ZNF728: variants seen among roughly 807,000 people sequenced by gnomAD.
ZNF728 encodes the protein zinc finger protein 728.
A neutral mutation model predicts 12.5 loss-of-function variants in ZNF728; 12 were observed. The ratio of observed to expected loss-of-function variants is 0.96; its 90% CI spans 0.61 to 1.55. The LOEUF (loss-of-function observed/expected upper bound fraction) is 1.55, where lower values mean the gene tolerates loss of function less well. Among genes scored for constraint, ZNF728 ranks in the 40% most tolerant of loss-of-function variants. ZNF728 has a pLI of 0.00. For synonymous variants in ZNF728, 205 were observed against 240.7 expected (o/e 0.85, Z 1.37); for missense variants, 692 against 719.2 (o/e 0.96, Z 0.43).
At position 22,978,277 on chromosome 19, in the gene ZNF728, G is replaced by A. The variant is rs144147019; in HGVS notation, c.227-1167C>T. Among the ~76,000 whole-genome samples the A allele has an allele frequency of 1.5e-3, 206 of 139,968 alleles. 1 individual carries two copies. The highest frequency in any genetic ancestry group is 5.6e-3 in the African/African-American group (203 of 36,174). 91.8% of individuals were successfully genotyped at this position (139,968 alleles called of 152,430 possible). A position where few individuals can be genotyped will look rare whatever the true frequency, so the allele number is the denominator to read the frequency against. ...AACAAAAGATTTACAGGCCAGAAGA[G>A]AACTGTGTGAGATAGTCAAAGTCCT... On this transcript the variant is annotated intron_variant, in intron 3 of 3. Coordinates refer to ENST00000594710, the MANE Select transcript of ZNF728 (RefSeq NM_001267716.2).
Position 22,975,542 on chromosome 19 carries a change from T to C in ZNF728, c.1795A>G (p.Lys599Glu). The C allele has an allele frequency of 5.1e-6, 8 of 1,580,500 alleles. No individual in the cohort carries two copies. The highest frequency in any genetic ancestry group is 5.2e-6 in the Non-Finnish European group (6 of 1,164,446). Residue 599 changes from lysine (K) to glutamate (E), a missense_variant, in exon 4 of 4, where the codon AAA becomes GAA. Around this residue, in one of 3 missense-constraint regions of ZNF728, gnomAD observed 244 missense variants for 235.2 expected, o/e 1.04. Transcript: ENST00000594710. Reference sequence around the variant, plus strand: ...AGGTGTGAGGATTGGTTGAAGTCTTTACCACATTCTTCACATTTGTAGAAT... The same window carrying C: ...AGGTGTGAGGATTGGTTGAAGTCTTCACCACATTCTTCACATTTGTAGAAT... The part of the protein sequence containing the change: ...KKFYKCEECG[K>E]DFNQSSHLTT...
intron 3 of ZNF728, among the ~76,000 whole-genome samples, chr19:22,979,831 G>T (rs1968843027): frequency 2.0e-5 from 3 of 152,070 alleles, no homozygotes; most frequent in Admixed American, 2.0e-4. Flanking sequence ...TCACCAGCAG[G>T]CCTGCCTTAC....
At chr19:22,983,203 T>C (rs1310781570) in intron 3 of ZNF728, among the ~76,000 whole-genome samples, 1 of 150,162 alleles carries the variant, frequency 6.7e-6, no homozygotes, top group African/African-American at 2.4e-5. Context: ...GCAAAGGATA[T>C]GAACAGATAC....
At chr19:23,000,294 C>T (rs373186180) in intron 1 of ZNF728, among the ~76,000 whole-genome samples, 1 of 151,628 alleles carries the variant, frequency 6.6e-6, no homozygotes, top group Non-Finnish European at 1.5e-5. Context: ...AGGAGAATGG[C>T]GTAAACCCTG....
intron 3 of ZNF728, among the ~76,000 whole-genome samples, chr19:22,986,358 T>TC (rs1403342600): frequency 6.6e-6 from 1 of 152,072 alleles, no homozygotes; most frequent in African/African-American, 2.4e-5. Context: ...CATGCAGTGT[T>TC]CTCTATAAAA....
chr19:22,975,766 G>A lies in ZNF728; in HGVS notation c.1571C>T (p.Thr524Ile), dbSNP rs1345462520. The change falls in exon 4 of 4, where the codon ACT (threonine) becomes ATT (isoleucine). Residue 524 changes from threonine to isoleucine, a missense_variant. Thr to Ile is a moderately conservative substitution (Grantham distance 89). This residue lies in a region of ZNF728 where 244 missense variants were observed against 235.2 expected (regional missense o/e 1.04). Transcript: ENST00000594710. ...TCCAGTATGAATTACCTTATGTTTA[G>A]TAAGGTTTGCAACCTTACTGAAGGC... ...GKAFSKVANL[T>I]KHKVIHTGEK... The A allele has an allele frequency of 1.9e-6, 3 of 1,610,230 alleles. No homozygotes were observed. The highest frequency in any genetic ancestry group is 4.5e-5 in the East Asian group (2 of 44,736).
At chr19:22,982,923 G>A (rs1458421166) in intron 3 of ZNF728, among the ~76,000 whole-genome samples, 3 of 152,052 alleles carry the variant, frequency 2.0e-5, no homozygotes, top group African/African-American at 7.2e-5. Context: ...AGAAAACCTA[G>A]ACAATGCCAT....
intron 3 of ZNF728, among the ~76,000 whole-genome samples, chr19:22,986,658 A>G (rs535865992): frequency 6.6e-6 from 1 of 152,252 alleles, no homozygotes; most frequent in East Asian, 1.9e-4. Context: ...AAAATGCCAT[A>G]TTATCCAAAG....
At chr19:22,980,040 C>T (rs1281882380) in intron 3 of ZNF728, among the ~76,000 whole-genome samples, 3 of 151,884 alleles carry the variant, frequency 2.0e-5, no homozygotes, top group Non-Finnish European at 4.4e-5. Context: ...GGGCTAAATG[C>T]CCCCAATTAA....
intron 1 of ZNF728, among the ~76,000 whole-genome samples, chr19:22,997,499 T>C (rs201015953): frequency 6.6e-6 from 1 of 152,130 alleles, no homozygotes; most frequent in East Asian, 1.9e-4. Flanking sequence ...ATCCCTGCAA[T>C]ACAGCTAAGG....
chr19:22,987,152 G>A (rs289302), intron 3 of ZNF728, among the ~76,000 whole-genome samples, 156 bp downstream of exon 3: 40,404 of 152,030 alleles, frequency 0.27, 6,198 homozygotes, highest in African/African-American at 0.43. Flanking sequence ...GACAGAAGAT[G>A]CCACTGTGTG....
intron 1 of ZNF728, among the ~76,000 whole-genome samples, chr19:22,989,939 C>T (rs1441373772): frequency 6.6e-6 from 1 of 151,362 alleles, no homozygotes; most frequent in Non-Finnish European, 1.5e-5. Context: ...CCAGGTTTTC[C>T]CCAATAGGAA....
In ZNF728 at chr19:22,996,933, A is replaced by G. The variant is rs551834762; in HGVS notation, c.3+6095T>C. On this transcript the variant is annotated intron_variant, in intron 1 of 3. Coordinates refer to ENST00000594710, the MANE Select transcript of ZNF728 (RefSeq NM_001267716.2). Reference sequence around the variant, plus strand: ...GAATTTTGCACAGTGTGTGCACTTGAAAGGATGTTTATGGGGGGAAAAGCA... The same window carrying G: ...GAATTTTGCACAGTGTGTGCACTTGGAAGGATGTTTATGGGGGGAAAAGCA... Among the ~76,000 whole-genome samples, 7 of 152,226 alleles carry G rather than the reference A, an allele frequency of 4.6e-5. No individual in the cohort carries two copies. The South Asian group carries it at 1.5e-3, about 32-fold the overall frequency.
chr19:22,994,211 A>G (rs1289980013), intron 1 of ZNF728, among the ~76,000 whole-genome samples: 1 of 152,210 alleles, frequency 6.6e-6, no homozygotes, highest in African/African-American at 2.4e-5. Flanking sequence ...GACTCTAGAC[A>G]TGATAGATAC....
intron 3 of ZNF728, among the ~76,000 whole-genome samples, chr19:22,984,154 C>T (rs289307): frequency 0.31 from 46,356 of 151,658 alleles, 9,169 homozygotes; most frequent in African/African-American, 0.57. Flanking sequence ...CTTGATAGAC[C>T]ACCTCTTAGG....
intron 3 of ZNF728, among the ~76,000 whole-genome samples, chr19:22,981,467 C>T (rs2145336088): frequency 6.6e-6 from 1 of 152,288 alleles, no homozygotes; most frequent in Non-Finnish European, 1.5e-5. Flanking sequence ...AGAGCTGATC[C>T]TATTCTTTCT....
At position 22,975,115 on chromosome 19, in the gene ZNF728, A is replaced by T. The variant is rs1050993971; in HGVS notation, c.*353T>A. Among the ~76,000 whole-genome samples, 4 of 152,218 alleles carry T rather than the reference A, an allele frequency of 2.6e-5. No homozygotes were observed. Among genetic ancestry groups the T allele is most frequent in the African/African-American group, 9.6e-5 (4 of 41,464 alleles). ...ATTCAGAAAAGTTTCAGGTGTTGCC[A>T]AAAGCCTTGTCACATCTTTCAGGTT... On this transcript the variant is annotated 3_prime_UTR_variant, in exon 4 of 4. Transcript: ENST00000594710.
At chr19:22,981,096 T>C (rs1017111526) in intron 3 of ZNF728, among the ~76,000 whole-genome samples, 4 of 117,430 alleles carry the variant, frequency 3.4e-5, no homozygotes, top group African/African-American at 1.3e-4. Context: ...ATCCAGGGGC[T>C]GATTTTTTGA....
chr19:23,002,552 A>G (rs1393046217), intron 1 of ZNF728, among the ~76,000 whole-genome samples: 1 of 152,070 alleles, frequency 6.6e-6, no homozygotes, highest in East Asian at 1.9e-4. Flanking sequence ...ATAAACTACA[A>G]CCCATAGCTG....
Sources: gnomAD v4.1 joint callset for allele counts (sites outside exome capture counted in the v4.1 genomes callset) on GRCh38, gnomAD v4.1.1 for gene constraint, gnomAD v4.1.1 regional missense constraint, MANE v1.5 for transcripts, NCBI Gene and HGNC (gene_info 2026-07-23, HGNC 2026-07-21) for gene names.